Variants in CCDC169 observed in about 807,000 individuals in gnomAD.
CCDC169 encodes coiled-coil domain containing 169, also known as coiled-coil domain-containing protein 169.
In CCDC169, 30 loss-of-function variants were observed where a neutral mutation model predicts 36.0. That is an observed-to-expected ratio of 0.83 (90% CI 0.62 to 1.13). The LOEUF (loss-of-function observed/expected upper bound fraction) is 1.13, where lower values mean the gene tolerates loss of function less well. Ranked by LOEUF, CCDC169 falls within the 50% of genes most tolerant of loss-of-function variation. The probability of loss-of-function intolerance (pLI) is 0.00; values close to 1 mark genes in which losing one functional copy is unlikely to be tolerated. For missense variants in CCDC169, 245 were observed against 245.9 expected (o/e 1.00, Z 0.03); for synonymous variants, 85 against 81.5 (o/e 1.04, Z -0.23).
At chr13:36,246,617 G>A (rs996393681) in intron 7 of CCDC169, among the ~76,000 whole-genome samples, 4 of 152,246 alleles carry the variant, frequency 2.6e-5, no homozygotes, top group African/African-American at 9.6e-5. Flanking sequence ...GAAGCAGTAA[G>A]TGCTGATGTC....
At chr13:36,239,285 A>G (rs1219483514) in intron 7 of CCDC169, among the ~76,000 whole-genome samples, 1 of 152,148 alleles carries the variant, frequency 6.6e-6, no homozygotes, top group African/African-American at 2.4e-5. Context: ...ATCAATATGC[A>G]TCACACATAG....
chr13:36,233,388 T>C (rs1440860789), intron 7 of CCDC169, among the ~76,000 whole-genome samples: 1 of 152,014 alleles, frequency 6.6e-6, no homozygotes, highest in African/African-American at 2.4e-5. Context: ...ACATCCAGTT[T>C]TCAAAACAAA....
downstream of CCDC169, chr13:36,223,673 C>T (rs1869723963): frequency 6.6e-6 from 1 of 151,936 alleles, no homozygotes; most frequent in African/African-American, 2.4e-5. Flanking sequence ...ATACCAAAAT[C>T]CCAGCACTGT....
intron 2 of CCDC169, among the ~76,000 whole-genome samples, chr13:36,290,297 A>T (rs2138641316): frequency 6.6e-6 from 1 of 152,334 alleles, no homozygotes; most frequent in Non-Finnish European, 1.5e-5. Context: ...AATATAATTT[A>T]TTCTGTGCCT....
At chr13:36,239,645 C>T (rs961436438) in intron 7 of CCDC169, among the ~76,000 whole-genome samples, 1 of 152,078 alleles carries the variant, frequency 6.6e-6, no homozygotes, top group African/African-American at 2.4e-5. Context: ...AATTCTCATA[C>T]CAATCATTCA....
downstream of CCDC169, among the ~76,000 whole-genome samples, chr13:36,228,217 G>A (rs1295074384): frequency 1.3e-5 from 2 of 152,108 alleles, no homozygotes; most frequent in African/African-American, 4.8e-5. Flanking sequence ...GTAACTCTAT[G>A]TTTAACCTTT....
At chr13:36,247,677 A>G (rs978878425) in intron 7 of CCDC169, among the ~76,000 whole-genome samples, 2 of 152,182 alleles carry the variant, frequency 1.3e-5, no homozygotes, top group African/African-American at 4.8e-5. Flanking sequence ...TAAAATTTGA[A>G]TGGATGAGGA....
Position 36,272,113 on chromosome 13 carries a change from AAAT to A in CCDC169, c.315+11353_315+11355del, listed in dbSNP as rs201003575. On this transcript the variant is annotated intron_variant, in intron 4 of 7. Coordinates refer to ENST00000239859, the MANE Select transcript of CCDC169 (RefSeq NM_001144981.3). ...AAAAAAAAAAACTAAAAAAATAAAT[AAAT>A]AAATAAAATAAAATAAAACTACACA... Among the ~76,000 whole-genome samples the A allele has an allele frequency of 7.7e-4, 66 of 85,304 alleles. No homozygotes were observed. In the South Asian group the frequency reaches 0.011, roughly 15 times the overall value. 56.0% of individuals were successfully genotyped at this position (85,304 alleles called of 152,430 possible).
At chr13:36,291,309 TAG>T (rs34739191) in intron 2 of CCDC169, among the ~76,000 whole-genome samples, 38,414 of 152,052 alleles carry the variant, frequency 0.25, 5,108 homozygotes, top group East Asian at 0.49. Context: ...TATTTTATTC[TAG>T]AGTTTCCTGT....
intron 4 of CCDC169, among the ~76,000 whole-genome samples, chr13:36,261,994 C>G (rs976295764): frequency 1.4e-4 from 22 of 152,154 alleles, no homozygotes; most frequent in African/African-American, 5.1e-4. Context: ...TTCTCTTATA[C>G]TCTGGGAAAA....
chr13:36,281,391 A>G (rs771459789), intron 4 of CCDC169: 21 of 354,752 alleles, frequency 5.9e-5, no homozygotes, highest in Non-Finnish European at 8.6e-5. Flanking sequence ...TACCCCACTG[A>G]AAGACACTTA....
chr13:36,234,280 C>A (rs1301161651), intron 7 of CCDC169, among the ~76,000 whole-genome samples: 3 of 152,044 alleles, frequency 2.0e-5, no homozygotes, highest in African/African-American at 7.2e-5. Flanking sequence ...TGATTTTTAG[C>A]AAACTTCAGG....
At chr13:36,256,792 C>T (rs1169042608) in intron 4 of CCDC169, among the ~76,000 whole-genome samples, 2 of 152,232 alleles carry the variant, frequency 1.3e-5, no homozygotes, top group Non-Finnish European at 2.9e-5. Flanking sequence ...TGGGCTGTCT[C>T]TTCCCTTCTT....
At chr13:36,263,727 A>G (rs1874890325) in intron 4 of CCDC169, among the ~76,000 whole-genome samples, 1 of 152,184 alleles carries the variant, frequency 6.6e-6, no homozygotes, top group Non-Finnish European at 1.5e-5. Flanking sequence ...TTAATTACAC[A>G]CTAGTATCAT....
At chr13:36,293,105 G>A (rs1439894629) in intron 2 of CCDC169, among the ~76,000 whole-genome samples, 4 of 151,802 alleles carry the variant, frequency 2.6e-5, no homozygotes, top group Non-Finnish European at 5.9e-5. Flanking sequence ...AGAGGTTTGA[G>A]AAGAAAGCAG....
chr13:36,253,260 G>C (rs536585570), intron 6 of CCDC169, among the ~76,000 whole-genome samples: 1 of 152,144 alleles, frequency 6.6e-6, no homozygotes, highest in South Asian at 2.1e-4. Flanking sequence ...CTAGTGATTA[G>C]TGGTGAAACT....
intron 7 of CCDC169, among the ~76,000 whole-genome samples, chr13:36,237,014 C>G (rs149454685): frequency 1.4e-4 from 21 of 151,922 alleles, no homozygotes; most frequent in African/African-American, 4.6e-4. Flanking sequence ...AAAGTAAATG[C>G]TATATAAATA....
intron 7 of CCDC169, among the ~76,000 whole-genome samples, chr13:36,232,658 A>T (rs1485096208): frequency 3.1e-5 from 2 of 64,496 alleles, no homozygotes; most frequent in Non-Finnish European, 4.3e-5. Context: ...AGATGAGCCG[A>T]GATTGCGCCA....
At chr13:36,295,650 T>C (rs1879390204) in intron 2 of CCDC169, 128 bp downstream of exon 2, 2 of 485,868 alleles carry the variant, frequency 4.1e-6, no homozygotes, top group Middle Eastern at 3.7e-4. Flanking sequence ...ATCATTAATG[T>C]GGCCAAAAAG....
Sources: gnomAD v4.1 joint callset for allele counts (sites outside exome capture counted in the v4.1 genomes callset) on GRCh38, gnomAD v4.1.1 for gene constraint, MANE v1.5 for transcripts, NCBI Gene and HGNC (gene_info 2026-07-23, HGNC 2026-07-21) for gene names.